C12orf56: variants seen among roughly 807,000 people sequenced by gnomAD.
The protein encoded by C12orf56 is chromosome 12 open reading frame 56.
A neutral mutation model predicts 69.9 loss-of-function variants in C12orf56; 71 were observed. That is an observed-to-expected ratio of 1.02 (90% confidence interval 0.84 to 1.24). The LOEUF is 1.24. Among genes scored for constraint, C12orf56 ranks in the 50% most tolerant of loss-of-function variants. C12orf56 has a pLI of 0.00. For missense variants in C12orf56, 732 were observed against 738.5 expected (o/e 0.99, Z 0.10); for synonymous variants, 276 against 274.1 (o/e 1.01, Z -0.07).
chr12:64,337,569 G>C (rs572745348), intron 2 of C12orf56, among the ~76,000 whole-genome samples: 1 of 152,212 alleles, frequency 6.6e-6, no homozygotes, highest in South Asian at 2.1e-4. Flanking sequence ...CTTAAAACGG[G>C]ACATAGACCA....
chr12:64,352,955 CT>C lies in C12orf56; in HGVS notation c.353del (p.Lys118SerfsTer40). On this transcript the variant is annotated frameshift_variant, in exon 2 of 13. Transcript: ENST00000543942. LOFTEE classifies it high-confidence loss of function. Reference protein sequence around the residue: ...SSTVLKKECKKSNSVRKFLFP... With the variant: ...SSTVLKKECKXSNSVRKFLFP... ...ATAGGAATTTCCTGACACTGTTTGA[CT>C]TTTTACACTCTTTTTTCAAAACGGT... 6.2e-7 allele frequency: 1 copy of C among 1,613,108 alleles called. No individual in the cohort carries two copies. The highest frequency in any genetic ancestry group is 8.5e-7 in the Non-Finnish European group (1 of 1,179,644).
At chr12:64,352,099 G>GTTTTTTTTT (rs55762803) in intron 2 of C12orf56, among the ~76,000 whole-genome samples, 1 of 148,682 alleles carries the variant, frequency 6.7e-6, no homozygotes, top group African/African-American at 2.6e-5. Flanking sequence ...TTTTGTTTTT[G>GTTTTTTTTT]TTTTTTTTTT....
chr12:64,285,576 T>C (rs2038187880), intron 7 of C12orf56, among the ~76,000 whole-genome samples: 1 of 151,982 alleles, frequency 6.6e-6, no homozygotes, highest in African/African-American at 2.4e-5. Flanking sequence ...TCACCTGAGG[T>C]CAGGAGTTCG....
At chr12:64,389,301 C>T (rs778956726) in intron 1 of C12orf56, 3 of 152,174 alleles carry the variant, frequency 2.0e-5, no homozygotes, top group South Asian at 2.1e-4. Context: ...GAACAGCACC[C>T]GAAAACCGGC....
intron 1 of C12orf56, 23 bp downstream of exon 1, chr12:64,390,291 G>A: frequency 1.3e-6 from 2 of 1,587,136 alleles, no homozygotes; most frequent in East Asian, 2.3e-5. Flanking sequence ...TCCCGAGCCC[G>A]CCTGCCCACC....
At chr12:64,387,516 A>C (rs2039810359) in intron 1 of C12orf56, among the ~76,000 whole-genome samples, 1 of 152,210 alleles carries the variant, frequency 6.6e-6, no homozygotes, top group African/African-American at 2.4e-5. Context: ...ACAGGTAAAA[A>C]AAAACAAAAC....
intron 6 of C12orf56, among the ~76,000 whole-genome samples, chr12:64,301,761 C>T (rs984660994): frequency 6.6e-6 from 1 of 152,080 alleles, no homozygotes; most frequent in African/African-American, 2.4e-5. Context: ...ATAAGCAGCC[C>T]GACCCTTGGT....
intron 6 of C12orf56, among the ~76,000 whole-genome samples, chr12:64,301,200 T>C (rs1218932038): frequency 6.6e-6 from 1 of 152,200 alleles, no homozygotes; most frequent in African/African-American, 2.4e-5. Context: ...CGGTACTGAC[T>C]GAGTGGTTAT....
At chr12:64,297,652 C>T (rs539296741) in intron 6 of C12orf56, among the ~76,000 whole-genome samples, 1 of 152,224 alleles carries the variant, frequency 6.6e-6, no homozygotes, top group South Asian at 2.1e-4. Context: ...GTTTTCTGTT[C>T]TTGTGTTAGT....
At chr12:64,298,778 C>T (rs1295597484) in intron 6 of C12orf56, among the ~76,000 whole-genome samples, 1 of 152,174 alleles carries the variant, frequency 6.6e-6, no homozygotes, top group African/African-American at 2.4e-5. Flanking sequence ...CTTTTGGTTA[C>T]TGTAGCCTTG....
chr12:64,286,599 C>T (rs2038205002), intron 6 of C12orf56, among the ~76,000 whole-genome samples: 1 of 152,184 alleles, frequency 6.6e-6, no homozygotes, highest in South Asian at 2.1e-4. Context: ...TAAACACTGA[C>T]TTAGAGCTGG....
rs1592448774 is a variant in C12orf56 at position 64,318,577 on chromosome 12, T to C, written c.892A>G (p.Ile298Val). ...GGTTAACTTAGGAGGACACTTACTATAATATAATTGTTCCATGAACTTTTT... is the reference window on the plus strand; with the variant it reads ...GGTTAACTTAGGAGGACACTTACTACAATATAATTGTTCCATGAACTTTTT... ...HLKSSWNNYI[I>V]KATLLQDPFY... The change falls in exon 4 of 13, where the codon ATA becomes GTA. Residue 298 changes from isoleucine (I) to valine (V), a missense_variant and splice_region_variant. Ile to Val is a conservative substitution (Grantham distance 29). Transcript: ENST00000543942. 6.5e-7 allele frequency: 1 copy of C among 1,528,756 alleles called. No individual in the cohort carries two copies. 94.7% of individuals were successfully genotyped at this position (1,528,756 alleles called of 1,614,324 possible).
chr12:64,334,061 C>G (rs2038963713), intron 2 of C12orf56, among the ~76,000 whole-genome samples: 1 of 152,138 alleles, frequency 6.6e-6, no homozygotes, highest in Admixed American at 6.5e-5. Flanking sequence ...ATATGAATTC[C>G]TTCAGTCATT....
intron 6 of C12orf56, among the ~76,000 whole-genome samples, chr12:64,289,212 CTT>C (rs1240844138): frequency 1.3e-5 from 1 of 78,742 alleles, no homozygotes; most frequent in Non-Finnish European, 2.8e-5. Flanking sequence ...TATCCTGAGA[CTT>C]TGCTGAAGTT....
rs762364630 is a variant in C12orf56 at position 64,270,540 on chromosome 12, A to G, written c.1759T>C (p.Phe587Leu). Residue 587 changes from phenylalanine (F) to leucine (L), a missense_variant, in exon 12 of 13, where the codon TTC (phenylalanine) becomes CTC (leucine). Physicochemically the swap from Phe to Leu is conservative, Grantham distance 22 (BLOSUM62 0). Transcript: ENST00000543942. The part of the protein sequence containing the change: ...EYIRNNYREE[F>L]RYFIHMPALQ... ...GATTCAGACATTTTTTCTTACCTGA[A>G]TTCTTCTCTGTAGTTATTCCTAATA... The G allele has an allele frequency of 1.5e-5, 23 of 1,549,466 alleles. No homozygotes were observed. The highest frequency in any genetic ancestry group is 1.9e-5 in the Non-Finnish European group (22 of 1,151,230).
At chr12:64,349,606 A>G (rs180736932) in intron 2 of C12orf56, among the ~76,000 whole-genome samples, 2 of 152,356 alleles carry the variant, frequency 1.3e-5, no homozygotes, top group East Asian at 1.9e-4. Flanking sequence ...TTGCGGAACC[A>G]ACCCAAATGC....
At chr12:64,283,930 T>C (rs1026890892) in intron 8 of C12orf56, among the ~76,000 whole-genome samples, 2 of 141,678 alleles carry the variant, frequency 1.4e-5, no homozygotes, top group African/African-American at 5.2e-5. Context: ...TTTTTTGAGA[T>C]GGGGTTGCCC....
intron 5 of C12orf56, among the ~76,000 whole-genome samples, chr12:64,308,009 C>G (rs1231041305): frequency 1.3e-5 from 2 of 151,598 alleles, no homozygotes; most frequent in Non-Finnish European, 2.9e-5. Context: ...GAGTAAGACC[C>G]TCTCTCAAAA....
intron 2 of C12orf56, among the ~76,000 whole-genome samples, chr12:64,339,689 A>T (rs949990718): frequency 6.6e-6 from 1 of 152,024 alleles, no homozygotes; most frequent in Non-Finnish European, 1.5e-5. Flanking sequence ...CAGCCTCCTG[A>T]GTAGCTGGGA....
Sources: gnomAD v4.1 joint callset for allele counts (sites outside exome capture counted in the v4.1 genomes callset) on GRCh38, gnomAD v4.1.1 for gene constraint, MANE v1.5 for transcripts, NCBI Gene and HGNC (gene_info 2026-07-23, HGNC 2026-07-21) for gene names.